The following RYR1 variants were observed in gnomAD, a reference collection of about 807,000 sequenced individuals.
The protein encoded by RYR1 is central core disease of muscle.
RYR1 carries 342 observed loss-of-function variants against 583.5 expected under a neutral mutation model. The observed-to-expected ratio is 0.59, with a 90% confidence interval of 0.54 to 0.64. The LOEUF is 0.64. Ranked by LOEUF, RYR1 falls within the 30% of genes least tolerant of loss-of-function variation. The pLI is 0.00. For synonymous variants in RYR1, 2,791 were observed against 2,822.5 expected (o/e 0.99, Z 0.35); for missense variants, 6,032 against 6,917.2 (o/e 0.87, Z 4.54).
chr19:38,502,776 G>A (rs1568506393), intron 48 of RYR1, 49 bp downstream of exon 48: 6 of 1,184,398 alleles, frequency 5.1e-6, no homozygotes, highest in Non-Finnish European at 7.0e-6. Flanking sequence ...GGCAGGGGCA[G>A]GGGCAGGGGC....
At chr19:38,455,128 A>C in intron 13 of RYR1, 107 bp from the exon 14 acceptor site, 1 of 1,329,516 alleles carries the variant, frequency 7.5e-7, no homozygotes, top group South Asian at 1.2e-5. Flanking sequence ...ATCTGGGAAC[A>C]CACCGTCACT....
At chr19:38,576,389 C>T (rs981515358) in intron 97 of RYR1, among the ~76,000 whole-genome samples, 2 of 152,090 alleles carry the variant, frequency 1.3e-5, no homozygotes, top group South Asian at 2.1e-4. Context: ...GCAGAAGTTG[C>T]AGTGAGCCAA....
Position 38,529,108 on chromosome 19 carries a change from C to T in RYR1, c.11141+51C>T, listed in dbSNP as rs751808654. The T allele has an allele frequency of 4.5e-6, 7 of 1,572,086 alleles. No homozygotes were observed. The Admixed American group carries it at 5.0e-5, about 11-fold the overall frequency. ...AAATGCCCCCAAGGTCCTGGGGCCA[C>T]CCCCAGCCCAGCAGCTTCCCTGTGC... On this transcript the variant is annotated intron_variant, in intron 76 of 105. Transcript: ENST00000359596.
chr19:38,515,171 A>C, intron 64 of RYR1, 64 bp downstream of exon 64: 1 of 1,136,738 alleles, frequency 8.8e-7, no homozygotes, highest in Middle Eastern at 2.1e-4. Context: ...GGAGCAGGGG[A>C]AGAAGATGGG....
At position 38,548,229 on chromosome 19, in the gene RYR1, G is replaced by A. The variant is rs769377982; in HGVS notation, c.12095-4G>A. The A allele has an allele frequency of 2.4e-5, 38 of 1,614,042 alleles. No individual in the cohort carries two copies. The highest frequency in any genetic ancestry group is 3.1e-5 in the Non-Finnish European group (36 of 1,180,058). ...CGGCCACACTGACCTGGGGCTGCCT[G>A]CAGGGAACGTGGTGAACGGCATGAT... On this transcript the variant is annotated splice_region_variant and splice_polypyrimidine_tract_variant and intron_variant, in intron 88 of 105. Transcript: ENST00000359596.
rs1389217484 is a variant in RYR1, at chr19:38,440,753, G to A, written c.54G>A (p.Glu18=). The change falls in exon 2 of 106, where the codon GAG becomes GAA. Residue 18 remains glutamate, a synonymous_variant. Transcript: ENST00000359596. Reference sequence around the variant, plus strand: ...GCCCCTCGGTTCCGCAGGACGATGAGGTGGTCCTGCAGTGCAGCGCTACCG... The same window carrying A: ...GCCCCTCGGTTCCGCAGGACGATGAAGTGGTCCTGCAGTGCAGCGCTACCG... The part of the protein sequence containing the change: ...DEVQFLRTDD[E]VVLQCSATVL... 12 of 1,607,202 alleles carry A rather than the reference G, an allele frequency of 7.5e-6. No homozygotes were observed. Among genetic ancestry groups the A allele is most frequent in the African/African-American group, 1.3e-5 (1 of 74,948 alleles).
intron 12 of RYR1, 118 bp from the exon 13 acceptor site, chr19:38,452,701 G>C (rs770047511): frequency 2.2e-4 from 200 of 894,222 alleles, no homozygotes; most frequent in Non-Finnish European, 3.1e-4. Flanking sequence ...CTGCGTCTCG[G>C]TCTCCCTCTC....
At chr19:38,471,899 CAA>C (rs35479919) in intron 27 of RYR1, among the ~76,000 whole-genome samples, 1,826 of 59,860 alleles carry the variant, frequency 0.031, 28 homozygotes, top group African/African-American at 0.086. Flanking sequence ...GACTCTGTCT[CAA>C]AAAAAAAAAA....
In RYR1 at chr19:38,586,140, C is replaced by T. The variant is rs146876145; in HGVS notation, c.14918C>T (p.Pro4973Leu). 2.7e-5 allele frequency: 44 copies of T among 1,613,976 alleles called. No homozygotes were observed. The highest frequency in any genetic ancestry group is 5.0e-5 in the Admixed American group (3 of 59,974). ...GGCAGTGACTACTTTGATACGACAC[C>T]GCATGGCTTCGAGACTCACACGCTG... ...GIGSDYFDTT[P>L]HGFETHTLEE... Residue 4973 changes from proline (P) to leucine (L), a missense_variant, in exon 104 of 106, where the codon CCG becomes CTG. Transcript: ENST00000359596.
At chr19:38,461,634 G>A (rs921748672) in intron 20 of RYR1, among the ~76,000 whole-genome samples, 3 of 150,672 alleles carry the variant, frequency 2.0e-5, no homozygotes, top group Non-Finnish European at 1.5e-5. Context: ...GCTGAGATGG[G>A]AGGGTCACTT....
chr19:38,549,389 C>T (rs182900203), intron 89 of RYR1, among the ~76,000 whole-genome samples: 244 of 152,054 alleles, frequency 1.6e-3, no homozygotes, highest in Non-Finnish European at 2.1e-3. Flanking sequence ...CCCAAGAGTT[C>T]GAGATCAGCC....
intron 38 of RYR1, 25 bp downstream of exon 38, chr19:38,492,661 A>G: frequency 3.3e-5 from 29 of 876,838 alleles, no homozygotes; most frequent in East Asian, 1.6e-4. Context: ...CACTGGGGAG[A>G]GGGCAGGGGT....
At chr19:38,530,136 T>C (rs1020087610) in intron 76 of RYR1, among the ~76,000 whole-genome samples, 1 of 152,160 alleles carries the variant, frequency 6.6e-6, no homozygotes, top group Non-Finnish European at 1.5e-5. Context: ...GTATTTTTAG[T>C]AGAGACGGGC....
At position 38,564,947 on chromosome 19, in the gene RYR1, C is replaced by T; in HGVS notation, c.12625-12C>T. On this transcript the variant is annotated splice_polypyrimidine_tract_variant and intron_variant, in intron 90 of 105. Transcript: ENST00000359596. ...GACGGCGCCCTATCCTGTCTGCCGC[C>T]CCTCGCTTCAGGTGAAGGAGTCCAA... is the stretch of plus-strand genomic sequence containing the variant. 1.3e-6 allele frequency: 2 copies of T among 1,569,438 alleles called. No homozygotes were observed. The highest frequency in any genetic ancestry group is 1.7e-6 in the Non-Finnish European group (2 of 1,158,742).
Position 38,504,243 on chromosome 19 carries a change from C to T in RYR1, c.7950C>T (p.Arg2650=), listed in dbSNP as rs1284449090. The T allele has an allele frequency of 6.2e-7, 1 of 1,613,882 alleles. No individual in the cohort carries two copies. Among genetic ancestry groups the T allele is most frequent in the Non-Finnish European group, 8.5e-7 (1 of 1,179,972 alleles). Residue 2650 remains arginine (R), a synonymous_variant, in exon 50 of 106, where the codon CGC becomes CGT. Coordinates refer to ENST00000359596, the MANE Select transcript of RYR1 (RefSeq NM_000540.3). ...PLKLLTNHYE[R]CWKYYCLPTG... is the part of the protein sequence containing the mutation. ...AGCTCCTCACCAACCACTATGAGCG[C>T]TGTTGGAAGTACTACTGCCTACCCA...
At chr19:38,453,040 G>C in intron 13 of RYR1, 26 bp downstream of exon 13, 1 of 1,610,786 alleles carries the variant, frequency 6.2e-7, no homozygotes. Flanking sequence ...GGGCGGAGCG[G>C]GGCCTGTGGG....
At chr19:38,518,236 C>T (rs1346164856) in intron 66 of RYR1, among the ~76,000 whole-genome samples, 1 of 151,776 alleles carries the variant, frequency 6.6e-6, no homozygotes, top group Non-Finnish European at 1.5e-5. Context: ...AGAAATGGAT[C>T]CTCAAAGCGT....
rs563617127 is a variant in RYR1 at position 38,464,542 on chromosome 19, A to G, written c.2787-97A>G. The stretch of plus-strand genomic sequence containing the variant: ...AGAGCGCCCCAGGCACTGAAGCAGC[A>G]GAGGTAGAGGGAGCTGGAGACCCTG... On this transcript the variant is annotated intron_variant, in intron 22 of 105. Transcript: ENST00000359596. The G allele has an allele frequency of 1.1e-5, 11 of 988,208 alleles. 1 individual carries two copies. In the South Asian group the frequency reaches 1.5e-4, roughly 14 times the overall value. The allele number at this position is 988,208 out of a possible 1,614,324, so 61.2% of individuals were successfully genotyped here.
intron 83 of RYR1, among the ~76,000 whole-genome samples, 165 bp from the exon 84 acceptor site, chr19:38,537,715 A>G (rs28569789): frequency 6.6e-6 from 1 of 152,176 alleles, no homozygotes; most frequent in Non-Finnish European, 1.5e-5. Flanking sequence ...GCCTGGCGTC[A>G]TGGATGCCCA....
Sources: allele counts gnomAD v4.1 joint callset (sites outside exome capture counted in the v4.1 genomes callset), GRCh38; gene constraint gnomAD v4.1.1; transcripts MANE v1.5; gene names NCBI Gene and HGNC (gene_info 2026-07-23, HGNC 2026-07-21).